NSMCE2: variants seen among roughly 807,000 people sequenced by gnomAD.
NSMCE2 encodes NSE2 SUMO ligase component of SMC5/6 complex.
NSMCE2 carries 24 observed loss-of-function variants against 23.8 expected under a neutral mutation model. The ratio of observed to expected loss-of-function variants is 1.01; its 90% confidence interval spans 0.73 to 1.42. The LOEUF is 1.42. NSMCE2 is among the 40% of genes most tolerant of loss of function. The pLI is 0.00. For synonymous variants in NSMCE2, 92 were observed against 94.1 expected (o/e 0.98, Z 0.13); for missense variants, 284 against 296.5 (o/e 0.96, Z 0.31).
chr8:125,178,867 A>G (rs563570241), intron 4 of NSMCE2, among the ~76,000 whole-genome samples: 2 of 152,304 alleles, frequency 1.3e-5, no homozygotes, highest in Non-Finnish European at 2.9e-5. Flanking sequence ...TCCGCCTCAA[A>G]AAAAAATGAT....
chr8:125,358,712 T>C (rs1473702268), intron 7 of NSMCE2, among the ~76,000 whole-genome samples: 1 of 152,148 alleles, frequency 6.6e-6, no homozygotes, highest in Non-Finnish European at 1.5e-5. Context: ...CTGATAACAG[T>C]CCCTTTGATG....
At chr8:125,334,564 A>G (rs1830002820) in intron 5 of NSMCE2, among the ~76,000 whole-genome samples, 1 of 151,500 alleles carries the variant, frequency 6.6e-6, no homozygotes, top group Non-Finnish European at 1.5e-5. Context: ...AGTCCTTCCC[A>G]CCTCCCCCTG....
intron 5 of NSMCE2, among the ~76,000 whole-genome samples, chr8:125,293,300 T>G (rs1055655260): frequency 2.6e-5 from 4 of 152,200 alleles, no homozygotes; most frequent in African/African-American, 9.7e-5. Context: ...GATACAAACT[T>G]GGCAGTTTAA....
intron 5 of NSMCE2, among the ~76,000 whole-genome samples, chr8:125,265,302 A>G (rs1306377435): frequency 6.6e-6 from 1 of 151,162 alleles, no homozygotes; most frequent in Non-Finnish European, 1.5e-5. Context: ...GCTCACTGCA[A>G]CCTCCACCTC....
intron 5 of NSMCE2, among the ~76,000 whole-genome samples, chr8:125,309,853 C>T (rs1000879901): frequency 6.6e-6 from 1 of 152,178 alleles, no homozygotes. Flanking sequence ...GCAAGGCCTA[C>T]ACTGAGCTAG....
chr8:125,357,635 G>A, intron 6 of NSMCE2, 77 bp from the exon 7 acceptor site: 1 of 1,044,254 alleles, frequency 9.6e-7, no homozygotes, highest in East Asian at 2.4e-5. Context: ...AACATAGAAA[G>A]CTCAGGACTA....
chr8:125,245,091 G>A (rs979277599), intron 5 of NSMCE2, among the ~76,000 whole-genome samples: 26 of 152,082 alleles, frequency 1.7e-4, no homozygotes, highest in African/African-American at 5.8e-4. Context: ...AGACCAGCCC[G>A]ACCAACATGG....
At chr8:125,347,643 AG>A (rs1812834110) in intron 5 of NSMCE2, among the ~76,000 whole-genome samples, 1 of 152,258 alleles carries the variant, frequency 6.6e-6, no homozygotes, top group Non-Finnish European at 1.5e-5. Context: ...TATCAGGAAA[AG>A]AAAGTTCCAT....
chr8:125,233,549 A>G (rs1366181174), intron 5 of NSMCE2, among the ~76,000 whole-genome samples: 3 of 152,178 alleles, frequency 2.0e-5, no homozygotes, highest in Non-Finnish European at 4.4e-5. Flanking sequence ...GTAATTTTGT[A>G]TGTCTCAATT....
At chr8:125,323,948 C>T (rs563678631) in intron 5 of NSMCE2, among the ~76,000 whole-genome samples, 72 of 152,156 alleles carry the variant, frequency 4.7e-4, no homozygotes, top group Admixed American at 1.6e-3. Flanking sequence ...TCTCTCAAAA[C>T]TCAATAAGAA....
At chr8:125,126,370 CA>C (rs76825647) in intron 3 of NSMCE2, among the ~76,000 whole-genome samples, 88 of 128,076 alleles carry the variant, frequency 6.9e-4, no homozygotes, top group South Asian at 4.5e-3. Context: ...GACTCTGTTT[CA>C]AAAAAAAAAA....
At chr8:125,146,902 C>A (rs569349406) in intron 3 of NSMCE2, among the ~76,000 whole-genome samples, 6 of 151,422 alleles carry the variant, frequency 4.0e-5, no homozygotes, top group Admixed American at 3.9e-4. Flanking sequence ...ATAAAAAAAA[C>A]AAAACAAAAA....
At chr8:125,299,780 C>T (rs1828477786) in intron 5 of NSMCE2, among the ~76,000 whole-genome samples, 1 of 146,846 alleles carries the variant, frequency 6.8e-6, no homozygotes, top group Non-Finnish European at 1.5e-5. Context: ...ACTATTATTA[C>T]CTTGACCTCA....
intron 5 of NSMCE2, among the ~76,000 whole-genome samples, chr8:125,237,438 A>G (rs147214768): frequency 6.6e-5 from 10 of 152,300 alleles, no homozygotes; most frequent in African/African-American, 2.4e-4. Context: ...CAGATCAACA[A>G]CACCTGCCAG....
intron 5 of NSMCE2, among the ~76,000 whole-genome samples, chr8:125,275,646 G>A (rs7845165): frequency 0.78 from 118,174 of 152,088 alleles, 46,004 homozygotes; most frequent in Middle Eastern, 0.83. Flanking sequence ...TTATGTAGGG[G>A]CCTCTAGCCA....
intron 5 of NSMCE2, among the ~76,000 whole-genome samples, chr8:125,290,654 A>G (rs1019301878): frequency 2.0e-5 from 3 of 152,224 alleles, no homozygotes; most frequent in African/African-American, 7.2e-5. Flanking sequence ...TAGGTAGGTC[A>G]CAAGTCCAGT....
chr8:125,344,713 A>AG lies in NSMCE2; in HGVS notation c.419-12505dup, dbSNP rs1374813853. Among the ~76,000 whole-genome samples, 5 of 150,068 alleles carry AG rather than the reference A, an allele frequency of 3.3e-5. No homozygotes were observed. In the Admixed American group the frequency reaches 3.3e-4, roughly 10 times the overall value. On this transcript the variant is annotated intron_variant, in intron 5 of 7. Coordinates refer to ENST00000287437, the MANE Select transcript of NSMCE2 (RefSeq NM_173685.4). ...AGCCAAGATTGCACCACTGCACTCC[A>AG]GCCTGGCTGACAGAGCAAGACTTCA...
At chr8:125,254,988 A>G (rs1826346053) in intron 5 of NSMCE2, among the ~76,000 whole-genome samples, 1 of 152,108 alleles carries the variant, frequency 6.6e-6, no homozygotes, top group African/African-American at 2.4e-5. Context: ...CTGCCAATAG[A>G]ATATGGCAGA....
chr8:125,286,320 T>TAA (rs949928461), intron 5 of NSMCE2, among the ~76,000 whole-genome samples: 1 of 150,242 alleles, frequency 6.7e-6, no homozygotes. Context: ...TATTTATTTT[T>TAA]TTTTTTTTTT....
Sources: allele counts gnomAD v4.1 joint callset (sites outside exome capture counted in the v4.1 genomes callset), GRCh38; gene constraint gnomAD v4.1.1; transcripts MANE v1.5; gene names NCBI Gene and HGNC (gene_info 2026-07-23, HGNC 2026-07-21).